The following ABTB3 variants were observed in gnomAD, a reference collection of about 807,000 sequenced individuals.
The protein encoded by ABTB3 is ankyrin repeat and BTB domain containing 3, also known as ankyrin repeat- and BTB/POZ domain-containing protein 3.
At chr12:107,498,952 G>A in the ABTB3 span, among the ~76,000 whole-genome samples, 2 of 152,216 alleles carry the variant, frequency 1.3e-5, no homozygotes, top group African/African-American at 4.8e-5. Context: ...GCTGGAAGTA[G>A]CCATTATCCA....
the ABTB3 span, among the ~76,000 whole-genome samples, chr12:107,349,367 C>A: frequency 6.6e-6 from 1 of 152,196 alleles, no homozygotes; most frequent in Non-Finnish European, 1.5e-5. Flanking sequence ...AGGAAGTGTG[C>A]TGGGATTCCA....
chr12:107,343,077 C>T, the ABTB3 span, among the ~76,000 whole-genome samples: 117,271 of 152,082 alleles, frequency 0.77, 46,097 homozygotes, highest in African/African-American at 0.94. Flanking sequence ...TGCAGGGGCA[C>T]GATCATGGCT....
At chr12:107,514,885 T>C in the ABTB3 span, among the ~76,000 whole-genome samples, 3 of 152,282 alleles carry the variant, frequency 2.0e-5, no homozygotes, top group Non-Finnish European at 4.4e-5. Flanking sequence ...GTTGATTCTT[T>C]TAATAAGGGA....
chr12:107,542,734 T>C, the ABTB3 span, among the ~76,000 whole-genome samples: 1 of 152,208 alleles, frequency 6.6e-6, no homozygotes, highest in African/African-American at 2.4e-5. Flanking sequence ...TAACGTGTAT[T>C]TTATGTTATA....
chr12:107,432,790 G>A, the ABTB3 span, among the ~76,000 whole-genome samples: 2 of 152,148 alleles, frequency 1.3e-5, no homozygotes, highest in South Asian at 4.2e-4. Flanking sequence ...AATCTGTATA[G>A]GAGAGGCTCA....
the ABTB3 span, among the ~76,000 whole-genome samples, chr12:107,614,123 G>T: frequency 1.3e-5 from 2 of 152,094 alleles, no homozygotes; most frequent in Admixed American, 6.6e-5. Flanking sequence ...GAACCAAACT[G>T]CTCTGAGTGA....
At chr12:107,572,244 A>G in the ABTB3 span, among the ~76,000 whole-genome samples, 4 of 152,116 alleles carry the variant, frequency 2.6e-5, no homozygotes, top group South Asian at 8.3e-4. Flanking sequence ...AAGGAATGCT[A>G]GCTACCACCA....
chr12:107,376,680 C>T, the ABTB3 span, among the ~76,000 whole-genome samples: 3 of 152,116 alleles, frequency 2.0e-5, no homozygotes, highest in South Asian at 2.1e-4. Context: ...TTCTCAGCAC[C>T]GAGAAACAAG....
the ABTB3 span, among the ~76,000 whole-genome samples, chr12:107,320,861 G>A: frequency 6.6e-6 from 1 of 152,046 alleles, no homozygotes; most frequent in Non-Finnish European, 1.5e-5. Context: ...TGGAGCTGGC[G>A]GGGGGCAGTT....
chr12:107,452,374 T>C, the ABTB3 span, among the ~76,000 whole-genome samples: 2 of 151,758 alleles, frequency 1.3e-5, no homozygotes, highest in South Asian at 4.2e-4. Context: ...GCCCGGCTAA[T>C]TTTTTGTATT....
At chr12:107,612,913 C>A in the ABTB3 span, 2 of 1,571,810 alleles carry the variant, frequency 1.3e-6, no homozygotes. Flanking sequence ...CGGCAGTCCC[C>A]AGGGGAAAGC....
At chr12:107,485,900 T>C in the ABTB3 span, among the ~76,000 whole-genome samples, 14 of 152,354 alleles carry the variant, frequency 9.2e-5, no homozygotes, top group Admixed American at 2.0e-4. Context: ...TGATTCCAAG[T>C]TCCTGCTAAC....
At chr12:107,468,433 G>T in the ABTB3 span, among the ~76,000 whole-genome samples, 1 of 152,326 alleles carries the variant, frequency 6.6e-6, no homozygotes, top group South Asian at 2.1e-4. Context: ...ACAGGAAGTT[G>T]CAGATAGCCA....
chr12:107,502,365 C>T, the ABTB3 span, among the ~76,000 whole-genome samples: 339 of 152,044 alleles, frequency 2.2e-3, 7 homozygotes, highest in African/African-American at 7.8e-3. Context: ...CCACCGTGCC[C>T]AGCCAGCATT....
chr12:107,561,544 G>A, the ABTB3 span, among the ~76,000 whole-genome samples: 39 of 152,182 alleles, frequency 2.6e-4, no homozygotes, highest in Admixed American at 5.2e-4. Context: ...CAGACTTTAT[G>A]CAATTGGGAC....
At chr12:107,593,326 GA>G in the ABTB3 span, among the ~76,000 whole-genome samples, 2 of 152,174 alleles carry the variant, frequency 1.3e-5, no homozygotes, top group Non-Finnish European at 2.9e-5. Context: ...GCCCTTTGCA[GA>G]AAAAAATTTT....
chr12:107,550,966 AC>A, the ABTB3 span, among the ~76,000 whole-genome samples: 2 of 152,240 alleles, frequency 1.3e-5, no homozygotes, highest in Non-Finnish European at 2.9e-5. Flanking sequence ...TATTAGTCAC[AC>A]AAGTCACAAC....
the ABTB3 span, among the ~76,000 whole-genome samples, chr12:107,489,763 C>T: frequency 6.6e-6 from 1 of 151,920 alleles, no homozygotes; most frequent in Non-Finnish European, 1.5e-5. Context: ...TAAACATTGT[C>T]TTTTTTTGTT....
At chr12:107,539,512 C>T in the ABTB3 span, among the ~76,000 whole-genome samples, 1 of 152,136 alleles carries the variant, frequency 6.6e-6, no homozygotes, top group Admixed American at 6.5e-5. Flanking sequence ...TCTCAGTGCA[C>T]CCCAAAGGGA....
Sources: gnomAD v4.1 joint callset for allele counts (sites outside exome capture counted in the v4.1 genomes callset) on GRCh38, gnomAD v4.1.1 for gene constraint, MANE v1.5 for transcripts, NCBI Gene and HGNC (gene_info 2026-07-23, HGNC 2026-07-21) for gene names.